Variants in CHCHD3 observed in about 807,000 individuals in gnomAD.
CHCHD3 encodes coiled-coil-helix-coiled-coil-helix domain containing 3.
Under a neutral mutation model 38.2 loss-of-function variants are expected in CHCHD3, and 20 were observed. The observed-to-expected ratio is 0.52, with a 90% CI of 0.37 to 0.76. CHCHD3 has a LOEUF of 0.76. Ranked by LOEUF, CHCHD3 falls within the 30% of genes least tolerant of loss-of-function variation. The probability of loss-of-function intolerance (pLI) is 0.00; values close to 1 mark genes in which losing one functional copy is unlikely to be tolerated. For missense variants in CHCHD3, 245 were observed against 279.2 expected (o/e 0.88, Z 0.87); for synonymous variants, 82 against 100.0 (o/e 0.82, Z 1.07).
At chr7:132,849,234 G>C (rs1424418025) in intron 5 of CHCHD3, 1 of 152,086 alleles carries the variant, frequency 6.6e-6, no homozygotes, top group African/African-American at 2.4e-5. Context: ...AAAGAGCCTG[G>C]ATTTCCATTC....
chr7:132,960,135 C>G lies in CHCHD3; in HGVS notation c.369+15034G>C, dbSNP rs552495881. Among the ~76,000 whole-genome samples the G allele has an allele frequency of 1.8e-4, 28 of 152,126 alleles. 1 individual carries two copies. The South Asian group carries it at 5.4e-3, about 29-fold the overall frequency. ...TCAGGGTGAACATATTTTAATCCACCGCATGCACTTGTACCATGTCATTTA... is the reference window on the plus strand; with the variant it reads ...TCAGGGTGAACATATTTTAATCCACGGCATGCACTTGTACCATGTCATTTA... On this transcript the variant is annotated intron_variant, in intron 4 of 7. Transcript: ENST00000262570.
In CHCHD3 at chr7:133,035,831, G is replaced by A; in HGVS notation, c.170-11204C>T. The A allele has an allele frequency of 6.2e-7, 1 of 1,613,034 alleles. No individual in the cohort carries two copies. The highest frequency in any genetic ancestry group is 1.3e-5 in the African/African-American group (1 of 75,024). On this transcript the variant is annotated intron_variant, in intron 2 of 7. Transcript: ENST00000262570. The surrounding 1 kb of genome is among the most constrained non-coding windows in gnomAD (Gnocchi z 4.7). ...GGAAGTGGGGTGGTGCGGAGAGCAC[G>A]CGGATCTGAGCCCCGCTGTACTGAG...
chr7:132,846,948 A>G (rs573401539), intron 5 of CHCHD3, among the ~76,000 whole-genome samples: 11 of 152,228 alleles, frequency 7.2e-5, no homozygotes, highest in Non-Finnish European at 1.3e-4. Flanking sequence ...AGTAGCTTAA[A>G]CAAGTAAGGG....
At chr7:132,809,722 A>G (rs957353903) in intron 6 of CHCHD3, among the ~76,000 whole-genome samples, 6 of 152,232 alleles carry the variant, frequency 3.9e-5, no homozygotes, top group Non-Finnish European at 8.8e-5. Flanking sequence ...ATGAACCAGT[A>G]TAACAGCCGA....
intron 2 of CHCHD3, among the ~76,000 whole-genome samples, chr7:133,032,262 G>A (rs1175461550): frequency 6.6e-6 from 1 of 152,166 alleles, no homozygotes; most frequent in Admixed American, 6.5e-5. Flanking sequence ...CCTATAAGGA[G>A]AATGTATCTT....
At chr7:132,837,410 C>T (rs955171723) in intron 6 of CHCHD3, among the ~76,000 whole-genome samples, 2 of 152,144 alleles carry the variant, frequency 1.3e-5, no homozygotes, top group Non-Finnish European at 2.9e-5. Flanking sequence ...TGTGGCCCAT[C>T]CTTGGAAGGT....
chr7:133,019,817 T>C (rs1416573268), intron 3 of CHCHD3, among the ~76,000 whole-genome samples: 1 of 152,198 alleles, frequency 6.6e-6, no homozygotes, highest in Non-Finnish European at 1.5e-5. Context: ...TAGTCACATT[T>C]TTCTAGCTGT....
chr7:132,857,420 T>A (rs1169388358), intron 5 of CHCHD3, among the ~76,000 whole-genome samples: 1 of 152,162 alleles, frequency 6.6e-6, no homozygotes, highest in African/African-American at 2.4e-5. Context: ...TATATTTATT[T>A]TTTTGAGACG....
At chr7:132,806,211 CTGATAAA>C (rs1300636562) in intron 6 of CHCHD3, among the ~76,000 whole-genome samples, 1 of 152,136 alleles carries the variant, frequency 6.6e-6, no homozygotes, top group Non-Finnish European at 1.5e-5. Flanking sequence ...AGAAGGAAGA[CTGATAAA>C]TGGCCAAGGA....
intron 3 of CHCHD3, among the ~76,000 whole-genome samples, chr7:132,975,830 C>T (rs1811751127): frequency 1.3e-5 from 2 of 151,566 alleles, no homozygotes; most frequent in Admixed American, 1.3e-4. Flanking sequence ...ACCTGGGAGG[C>T]TGAGGCAGGA....
chr7:132,973,562 G>C (rs755051795), intron 4 of CHCHD3: 1 of 993,138 alleles, frequency 1.0e-6, no homozygotes, highest in African/African-American at 1.7e-5. Context: ...CACATGTACT[G>C]TTCTTAGGGC....
At chr7:132,954,321 G>C (rs551682313) in intron 4 of CHCHD3, among the ~76,000 whole-genome samples, 1 of 152,136 alleles carries the variant, frequency 6.6e-6, no homozygotes, top group African/African-American at 2.4e-5. Flanking sequence ...TGAATGAATC[G>C]AGGCATGGCA....
chr7:132,834,697 G>T (rs946072059), intron 6 of CHCHD3, among the ~76,000 whole-genome samples: 1 of 152,106 alleles, frequency 6.6e-6, no homozygotes, highest in East Asian at 1.9e-4. Context: ...ACTGAGCCTG[G>T]GGGTTTCCAA....
Position 133,026,941 on chromosome 7 carries a change from C to CT in CHCHD3, c.170-2315dup, listed in dbSNP as rs762656963. 6.5e-3 allele frequency among the ~76,000 whole-genome samples: 926 copies of CT among 142,892 alleles called. 5 individuals are homozygous for CT. The highest frequency in any genetic ancestry group is 9.7e-3 in the African/African-American group (380 of 39,192). 93.7% of individuals were successfully genotyped at this position (142,892 alleles called of 152,430 possible). A position where few individuals can be genotyped will look rare whatever the true frequency, so the allele number is the denominator to read the frequency against. On this transcript the variant is annotated intron_variant, in intron 2 of 7. Transcript: ENST00000262570. ...TTCTTTTTAAGATATTGAAAATATT[C>CT]TTTTTTTTTTTTTTGAGACTGAGTC...
At chr7:132,963,627 T>A in intron 4 of CHCHD3, among the ~76,000 whole-genome samples, 1 of 125,990 alleles carries the variant, frequency 7.9e-6, no homozygotes. Flanking sequence ...AGACTCCATC[T>A]CAAAAAAAAA....
intron 3 of CHCHD3, among the ~76,000 whole-genome samples, chr7:132,979,809 T>C (rs1336387545): frequency 6.6e-6 from 1 of 152,212 alleles, no homozygotes; most frequent in Non-Finnish European, 1.5e-5. Flanking sequence ...CCATTTCCCA[T>C]TTAAAAGCAA....
At chr7:132,903,038 C>T (rs1322613359) in intron 4 of CHCHD3, among the ~76,000 whole-genome samples, 3 of 152,092 alleles carry the variant, frequency 2.0e-5, no homozygotes, top group Non-Finnish European at 4.4e-5. Context: ...CCTTGAAAGA[C>T]CTGTAACTAT....
intron 3 of CHCHD3, chr7:133,022,567 T>C: frequency 2.3e-6 from 1 of 436,878 alleles, no homozygotes; most frequent in Non-Finnish European, 4.6e-6. Flanking sequence ...GAACACACAT[T>C]TTTTGCCAAG....
At chr7:132,849,476 T>TCA (rs1450399468) in intron 5 of CHCHD3, 1 of 152,170 alleles carries the variant, frequency 6.6e-6, no homozygotes, top group African/African-American at 2.4e-5. Context: ...CAAATCCATA[T>TCA]CACCAGTCAT....
Sources: gnomAD v4.1 joint callset for allele counts (sites outside exome capture counted in the v4.1 genomes callset) on GRCh38, gnomAD v4.1.1 for gene constraint, Gnocchi (gnomAD v3.1) non-coding constraint, MANE v1.5 for transcripts, NCBI Gene and HGNC (gene_info 2026-07-23, HGNC 2026-07-21) for gene names.